Variants in DEUP1 observed in about 807,000 individuals in gnomAD.
The protein encoded by DEUP1 is deuterosome assembly protein 1.
A neutral mutation model predicts 87.4 loss-of-function variants in DEUP1; 82 were observed. That is an observed-to-expected ratio of 0.94 (90% CI 0.78 to 1.13). DEUP1 has a LOEUF of 1.13. Among genes scored for constraint, DEUP1 ranks in the 50% most tolerant of loss-of-function variants. The pLI is 0.00. For missense variants in DEUP1, 663 were observed against 681.5 expected (o/e 0.97, Z 0.30); for synonymous variants, 214 against 222.7 (o/e 0.96, Z 0.35).
At chr11:93,394,356 T>C in intron 9 of DEUP1, 103 bp from the exon 10 acceptor site, 1 of 775,290 alleles carries the variant, frequency 1.3e-6, no homozygotes, top group African/African-American at 1.8e-5. Flanking sequence ...AAGTGGGCCC[T>C]GACAAAGTTT....
chr11:93,391,503 T>A (rs896391928), intron 9 of DEUP1, among the ~76,000 whole-genome samples: 12 of 150,672 alleles, frequency 8.0e-5, no homozygotes, highest in African/African-American at 2.4e-4. Context: ...AGGTCAGGAG[T>A]TTGAGACCAT....
chr11:93,420,448 C>G (rs1490630864), intron 13 of DEUP1, among the ~76,000 whole-genome samples: 1 of 152,002 alleles, frequency 6.6e-6, no homozygotes, highest in Admixed American at 6.6e-5. Flanking sequence ...AAACCCATAG[C>G]CAATATCATA....
At chr11:93,417,824 A>G (rs1947700343) in intron 13 of DEUP1, among the ~76,000 whole-genome samples, 8 of 152,206 alleles carry the variant, frequency 5.3e-5, no homozygotes, top group Admixed American at 5.2e-4. Context: ...TACTGGTACC[A>G]AAACAGAAAT....
At position 93,435,099 on chromosome 11, in the gene DEUP1, G is replaced by C. The variant is rs151128141; in HGVS notation, c.1639-2444G>C. Among the ~76,000 whole-genome samples the C allele has an allele frequency of 7.6e-3, 1,156 of 152,228 alleles. 15 individuals are homozygous for C. Among genetic ancestry groups the C allele is most frequent in the African/African-American group, 0.027 (1,114 of 41,548 alleles). ...CATGTCTGCAGATAAGTGATTCTGTGAGCCCTAAGATAGTGGTGCAGCCAG... is the reference window on the plus strand; with the variant it reads ...CATGTCTGCAGATAAGTGATTCTGTCAGCCCTAAGATAGTGGTGCAGCCAG... On this transcript the variant is annotated intron_variant, in intron 13 of 13. Transcript: ENST00000298050.
intron 13 of DEUP1, among the ~76,000 whole-genome samples, chr11:93,430,602 C>G (rs1015670807): frequency 6.6e-6 from 1 of 152,022 alleles, no homozygotes; most frequent in Non-Finnish European, 1.5e-5. Flanking sequence ...AAACAAGGAG[C>G]AGTGGCTTAA....
rs1944937250 is a variant in DEUP1 at position 93,357,177 on chromosome 11, T to C, written c.297+134T>C. The C allele has an allele frequency of 6.6e-6, 4 of 605,064 alleles. No individual in the cohort carries two copies. The East Asian group carries it at 1.2e-4, about 18-fold the overall frequency. The allele number at this position is 605,064 out of a possible 1,614,324, so 37.5% of individuals were successfully genotyped here. ...TTTAATTATAAGCTTGGTCATGTCTTTCCCTGTTTTATATGCATTGATTTT... is the reference window on the plus strand; with the variant it reads ...TTTAATTATAAGCTTGGTCATGTCTCTCCCTGTTTTATATGCATTGATTTT... On this transcript the variant is annotated intron_variant, in intron 4 of 13. Transcript: ENST00000298050.
chr11:93,428,075 A>C (rs899801148), intron 13 of DEUP1, among the ~76,000 whole-genome samples: 6 of 152,138 alleles, frequency 3.9e-5, no homozygotes, highest in Non-Finnish European at 7.3e-5. Context: ...GCGATTCCTC[A>C]GGGATCTAGA....
intron 11 of DEUP1, among the ~76,000 whole-genome samples, chr11:93,407,342 C>A (rs1490699939): frequency 6.6e-6 from 1 of 152,062 alleles, no homozygotes; most frequent in Non-Finnish European, 1.5e-5. Context: ...TAGGCTTTAC[C>A]TTACAGCCTA....
intron 11 of DEUP1, among the ~76,000 whole-genome samples, chr11:93,405,173 G>C (rs1419637741): frequency 6.6e-6 from 1 of 151,804 alleles, no homozygotes; most frequent in Non-Finnish European, 1.5e-5. Context: ...ATCTTATTAA[G>C]AGTCAAATTT....
rs545727589 is a variant in DEUP1 at position 93,357,722 on chromosome 11, G to A, written c.297+679G>A. On this transcript the variant is annotated intron_variant, in intron 4 of 13. Transcript: ENST00000298050. Reference sequence around the variant, plus strand: ...GTTTGATTATGAAATTTTACTTTATGACCAACTTTTTTTGGAGTACAAATA... The same window carrying A: ...GTTTGATTATGAAATTTTACTTTATAACCAACTTTTTTTGGAGTACAAATA... Among the ~76,000 whole-genome samples, 7 of 152,140 alleles carry A rather than the reference G, an allele frequency of 4.6e-5. No individual in the cohort carries two copies. The East Asian group carries it at 1.4e-3, about 29-fold the overall frequency.
chr11:93,405,884 C>T (rs1947259355), intron 11 of DEUP1, among the ~76,000 whole-genome samples: 2 of 151,618 alleles, frequency 1.3e-5, no homozygotes, highest in Admixed American at 6.6e-5. Context: ...TTTGGAGCTT[C>T]GAAAAAGATG....
intron 6 of DEUP1, among the ~76,000 whole-genome samples, chr11:93,370,808 T>C (rs1473008327): frequency 6.6e-6 from 1 of 152,182 alleles, no homozygotes; most frequent in Non-Finnish European, 1.5e-5. Context: ...CTAACCTCCT[T>C]CTCTACTCTA....
intron 7 of DEUP1, among the ~76,000 whole-genome samples, chr11:93,382,501 C>T (rs1470416573): frequency 1.3e-5 from 2 of 152,158 alleles, no homozygotes; most frequent in African/African-American, 2.4e-5. Context: ...TTCACTCTTA[C>T]AGATATTATT....
intron 2 of DEUP1, among the ~76,000 whole-genome samples, chr11:93,343,249 A>T (rs972883130): frequency 3.3e-5 from 5 of 152,198 alleles, no homozygotes; most frequent in African/African-American, 1.2e-4. Flanking sequence ...GTGGGATCCA[A>T]TGAAACAGCC....
intron 9 of DEUP1, among the ~76,000 whole-genome samples, chr11:93,389,604 T>A (rs1389121831): frequency 6.6e-6 from 1 of 152,018 alleles, no homozygotes; most frequent in East Asian, 1.9e-4. Context: ...TCCTACTTCA[T>A]TTATTCCTCA....
Position 93,437,265 on chromosome 11 carries a change from C to T in DEUP1, c.1639-278C>T, listed in dbSNP as rs78060888. Among the ~76,000 whole-genome samples, 1,154 of 152,298 alleles carry T rather than the reference C, an allele frequency of 7.6e-3. 15 individuals carry two copies. Among genetic ancestry groups the T allele is most frequent in the African/African-American group, 0.027 (1,114 of 41,554 alleles). ...ATTGCAGCATGTTTTAGGCAGGTTC[C>T]ATGGTGAGTGCATTGTCCCTGCATT... On this transcript the variant is annotated intron_variant, in intron 13 of 13. Transcript: ENST00000298050.
chr11:93,408,682 G>A (rs1272464507), intron 12 of DEUP1, among the ~76,000 whole-genome samples: 1 of 152,066 alleles, frequency 6.6e-6, no homozygotes. Context: ...AGCTGAGGTG[G>A]TATACAAAAC....
chr11:93,369,533 TAA>T (rs1271038302), intron 5 of DEUP1, among the ~76,000 whole-genome samples: 1 of 152,028 alleles, frequency 6.6e-6, no homozygotes, highest in East Asian at 1.9e-4. Flanking sequence ...TTTTTAACAA[TAA>T]GTGACAAATT....
Position 93,437,679 on chromosome 11 carries a change from T to C in DEUP1, c.1775T>C (p.Leu592Pro). The C allele has an allele frequency of 1.2e-6, 2 of 1,608,448 alleles. No individual in the cohort carries two copies. Among genetic ancestry groups the C allele is most frequent in the Non-Finnish European group, 1.7e-6 (2 of 1,175,344 alleles). Residue 592 changes from leucine to proline, a missense_variant, in exon 14 of 14, where the codon CTT becomes CCT. Leu to Pro is a moderately conservative substitution (Grantham distance 98). Transcript: ENST00000298050. ...DELQRHTEFT[L>P]NKYSKLKQNR... ...CTGCAAAGACACACAGAATTTACTC[T>C]TAATAAATACTCCAAGCTAAAACAA...
Sources: allele counts gnomAD v4.1 joint callset (sites outside exome capture counted in the v4.1 genomes callset), GRCh38; gene constraint gnomAD v4.1.1; transcripts MANE v1.5; gene names NCBI Gene and HGNC (gene_info 2026-07-23, HGNC 2026-07-21).